Variants in WASF3 observed in about 807,000 individuals in gnomAD.
WASF3 encodes actin-binding protein WASF3.
In WASF3, 11 loss-of-function variants were observed where a neutral mutation model predicts 46.6. The observed-to-expected ratio is 0.24, with a 90% CI of 0.15 to 0.39. The LOEUF (loss-of-function observed/expected upper bound fraction) is 0.39. WASF3 is among the 10% of genes least tolerant of loss of function. The pLI, the probability that WASF3 is intolerant of heterozygous loss-of-function variation, is 1.00. For missense variants in WASF3, 576 were observed against 669.8 expected, an observed-to-expected ratio of 0.86 and a Z score of 1.55; for synonymous variants, 242 against 259.7, an observed-to-expected ratio of 0.93 and a Z score of 0.65.
chr13:26,616,399 A>C (rs1881134791), intron 2 of WASF3, among the ~76,000 whole-genome samples: 1 of 152,226 alleles, frequency 6.6e-6, no homozygotes, highest in Admixed American at 6.5e-5. Flanking sequence ...TGCCATCTGC[A>C]TAACTTCTTT....
chr13:26,572,704 C>T (rs1879676072), intron 1 of WASF3, among the ~76,000 whole-genome samples: 1 of 152,028 alleles, frequency 6.6e-6, no homozygotes, highest in South Asian at 2.1e-4. Context: ...AGGCACGTAC[C>T]ACCATGCTGG....
intron 3 of WASF3, among the ~76,000 whole-genome samples, chr13:26,660,195 T>G (rs12872602): frequency 5.4e-4 from 1 of 1,858 alleles, no homozygotes. Flanking sequence ...TTTTGTTTGG[T>G]TTTTTTTTTT....
intron 1 of WASF3, among the ~76,000 whole-genome samples, chr13:26,590,116 C>T (rs144333829): frequency 1.3e-5 from 2 of 152,280 alleles, no homozygotes; most frequent in African/African-American, 4.8e-5. Flanking sequence ...TGTCAGTCCT[C>T]AGTTTGTAAG....
chr13:26,550,974 T>G, the WASF3 span, among the ~76,000 whole-genome samples: 2 of 152,170 alleles, frequency 1.3e-5, no homozygotes, highest in Admixed American at 1.3e-4. Flanking sequence ...CCAAATCTGA[T>G]GTTGAATTGT....
chr13:26,635,959 T>G (rs1881804884), intron 2 of WASF3, among the ~76,000 whole-genome samples: 1 of 152,242 alleles, frequency 6.6e-6, no homozygotes. Context: ...TTAGGCTACA[T>G]GGGGGTCAGG....
chr13:26,630,609 G>T (rs746421693), intron 2 of WASF3, among the ~76,000 whole-genome samples: 7 of 152,144 alleles, frequency 4.6e-5, no homozygotes, highest in Admixed American at 6.6e-5. Context: ...GAATAGTGCC[G>T]CAGTAAACAT....
chr13:26,681,074 C>T lies in WASF3; in HGVS notation c.737C>T (p.Thr246Met), dbSNP rs141403127. 61 of 1,613,110 alleles carry T rather than the reference C, an allele frequency of 3.8e-5. No individual in the cohort carries two copies. The highest frequency in any genetic ancestry group is 2.2e-4 in the East Asian group (10 of 44,842). Residue 246 changes from threonine (T) to methionine (M), a missense_variant, in exon 8 of 10, where the codon ACG becomes ATG. Transcript: ENST00000335327. ...GCCAGGTCACATGCATCGGACGTTA[C>T]GGATTACTCTTACCCGGCTACTCCC... ...PDTRSHASDV[T>M]DYSYPATPNH...
intron 1 of WASF3, among the ~76,000 whole-genome samples, chr13:26,608,278 T>TA (rs1880864430): frequency 6.6e-6 from 1 of 152,168 alleles, no homozygotes; most frequent in Non-Finnish European, 1.5e-5. Flanking sequence ...AATATTATCT[T>TA]ACGATTCTTG....
chr13:26,603,580 C>T (rs776288979), intron 1 of WASF3, among the ~76,000 whole-genome samples: 1 of 152,040 alleles, frequency 6.6e-6, no homozygotes, highest in Non-Finnish European at 1.5e-5. Flanking sequence ...ATAATCTTGG[C>T]ATTTGGGAGG....
chr13:26,637,358 A>G (rs2137274814), intron 2 of WASF3, among the ~76,000 whole-genome samples: 1 of 152,270 alleles, frequency 6.6e-6, no homozygotes, highest in Admixed American at 6.5e-5. Context: ...CCCAGTTTTC[A>G]GAATGCTGGG....
intron 1 of WASF3, among the ~76,000 whole-genome samples, chr13:26,566,377 C>G (rs1879464570): frequency 6.6e-6 from 1 of 151,974 alleles, no homozygotes; most frequent in African/African-American, 2.4e-5. Flanking sequence ...AGTAATAAAG[C>G]TAAATATAAA....
intron 1 of WASF3, among the ~76,000 whole-genome samples, chr13:26,560,371 G>A (rs1057071662): frequency 2.6e-5 from 4 of 152,276 alleles, no homozygotes; most frequent in Non-Finnish European, 2.9e-5. Context: ...GAGGTAAAAA[G>A]TCTTAAGTTT....
At chr13:26,558,048 G>T (rs1246838801) in intron 1 of WASF3, among the ~76,000 whole-genome samples, 1 of 151,518 alleles carries the variant, frequency 6.6e-6, no homozygotes, top group Admixed American at 6.6e-5. Flanking sequence ...GCTGGCAGGG[G>T]CTTCTCGCCG....
intron 3 of WASF3, among the ~76,000 whole-genome samples, chr13:26,656,394 C>T (rs929838911): frequency 1.3e-5 from 2 of 152,064 alleles, no homozygotes; most frequent in African/African-American, 2.4e-5. Flanking sequence ...TTACCTGAAA[C>T]TCTCCAGAAT....
chr13:26,662,470 TGAA>T, intron 3 of WASF3, among the ~76,000 whole-genome samples: 1 of 152,354 alleles, frequency 6.6e-6, no homozygotes, highest in South Asian at 2.1e-4. Context: ...GCAGCCATAA[TGAA>T]GAATGAAGTC....
chr13:26,616,239 G>A (rs1881130125), intron 2 of WASF3, among the ~76,000 whole-genome samples: 1 of 152,198 alleles, frequency 6.6e-6, no homozygotes, highest in African/African-American at 2.4e-5. Context: ...GTGGATGATA[G>A]TTCCAGTTCA....
intron 1 of WASF3, chr13:26,609,373 G>C (rs1280671134): frequency 6.6e-6 from 1 of 152,106 alleles, no homozygotes; most frequent in Non-Finnish European, 1.5e-5. Flanking sequence ...CTGCTGACAA[G>C]GTGAATGGTC....
intron 5 of WASF3, among the ~76,000 whole-genome samples, chr13:26,671,062 G>A (rs1409746347): frequency 6.6e-6 from 1 of 152,120 alleles, no homozygotes. Context: ...AATATAAAAT[G>A]TTCTGCCTCC....
rs529945758 is a variant in WASF3, at chr13:26,675,852, A to G, written c.541-697A>G. ...AGGGAAACGTAGGAAATAAAGACAC[A>G]TGATTCTCATCCTTAAAGATCATAA... On this transcript the variant is annotated intron_variant, in intron 6 of 9. Transcript: ENST00000335327. Among the ~76,000 whole-genome samples, 4 of 152,334 alleles carry G rather than the reference A, an allele frequency of 2.6e-5. No homozygotes were observed. In the South Asian group the frequency reaches 8.3e-4, roughly 32 times the overall value.
Sources: gnomAD v4.1 joint callset for allele counts (sites outside exome capture counted in the v4.1 genomes callset) on GRCh38, gnomAD v4.1.1 for gene constraint, MANE v1.5 for transcripts, NCBI Gene and HGNC (gene_info 2026-07-23, HGNC 2026-07-21) for gene names.